RANBP2: variants seen among roughly 807,000 people sequenced by gnomAD.
RANBP2 encodes the protein E3 SUMO-protein ligase RanBP2.
In RANBP2, 57 loss-of-function variants were observed where a neutral mutation model predicts 303.6. The ratio of observed to expected loss-of-function variants is 0.19; its 90% CI spans 0.15 to 0.23. The LOEUF (loss-of-function observed/expected upper bound fraction) is 0.23. Among genes scored for constraint, RANBP2 ranks in the 10% least tolerant of loss-of-function variants. RANBP2 has a pLI of 1.00. For missense variants in RANBP2, 3,138 were observed against 3,780.8 expected (o/e 0.83, Z 4.46); for synonymous variants, 1,167 against 1,301.5 (o/e 0.90, Z 2.23).
the RANBP2 span, among the ~76,000 whole-genome samples, chr2:109,155,629 G>T: frequency 2.6e-5 from 4 of 152,210 alleles, no homozygotes; most frequent in South Asian, 8.3e-4. Context: ...CACAATTTTG[G>T]CTATTTGTGA....
chr2:109,079,619 C>T, the RANBP2 span, among the ~76,000 whole-genome samples: 6 of 152,354 alleles, frequency 3.9e-5, no homozygotes, highest in East Asian at 7.7e-4. Flanking sequence ...TGGCCCTGTC[C>T]GGTCCCAACC....
chr2:109,511,768 C>T, the RANBP2 span, among the ~76,000 whole-genome samples: 79 of 152,222 alleles, frequency 5.2e-4, no homozygotes, highest in African/African-American at 1.8e-3. Flanking sequence ...TGTCCACACC[C>T]TCCCTGCATT....
the RANBP2 span, chr2:109,615,465 A>G: frequency 6.2e-7 from 1 of 1,613,360 alleles, no homozygotes. Context: ...CAACTTCGCC[A>G]ACAAACACCA....
the RANBP2 span, among the ~76,000 whole-genome samples, chr2:109,079,197 G>A: frequency 1.3e-5 from 2 of 152,166 alleles, no homozygotes; most frequent in African/African-American, 4.8e-5. Flanking sequence ...CGAGGAGGAT[G>A]AGGACCTTTA....
chr2:109,403,252 C>T, the RANBP2 span, among the ~76,000 whole-genome samples: 1 of 152,328 alleles, frequency 6.6e-6, no homozygotes, highest in African/African-American at 2.4e-5. Context: ...CTCCCCGCAG[C>T]TGTTAGGGGT....
At chr2:109,693,390 CT>C in the RANBP2 span, among the ~76,000 whole-genome samples, 2 of 152,120 alleles carry the variant, frequency 1.3e-5, 1 homozygote, top group South Asian at 4.2e-4. Flanking sequence ...CCAGGCTGGC[CT>C]CAAGTGATCC....
the RANBP2 span, among the ~76,000 whole-genome samples, chr2:109,766,489 T>C: frequency 5.3e-5 from 8 of 150,588 alleles, no homozygotes; most frequent in African/African-American, 1.9e-4. Flanking sequence ...GGATAGGTTT[T>C]TAACCAAATG....
At chr2:108,850,210 C>G in the RANBP2 span, among the ~76,000 whole-genome samples, 2 of 152,184 alleles carry the variant, frequency 1.3e-5, no homozygotes, top group Non-Finnish European at 2.9e-5. Flanking sequence ...AGACTTAACT[C>G]TAGTAAGAAG....
chr2:109,412,262 A>G, the RANBP2 span, among the ~76,000 whole-genome samples: 1 of 152,162 alleles, frequency 6.6e-6, no homozygotes, highest in African/African-American at 2.4e-5. Flanking sequence ...GGCCAAACAC[A>G]TTGCCCCCCT....
At chr2:109,599,631 TC>T in the RANBP2 span, among the ~76,000 whole-genome samples, 2 of 152,024 alleles carry the variant, frequency 1.3e-5, no homozygotes, top group African/African-American at 2.4e-5. Context: ...CATTATACCA[TC>T]AAACTCCAAC....
chr2:108,966,779 G>C, the RANBP2 span, among the ~76,000 whole-genome samples: 1 of 152,226 alleles, frequency 6.6e-6, no homozygotes, highest in African/African-American at 2.4e-5. Context: ...CCCTGGAAGG[G>C]AGCACAGTGG....
At chr2:109,498,455 A>G in the RANBP2 span, among the ~76,000 whole-genome samples, 1 of 151,970 alleles carries the variant, frequency 6.6e-6, no homozygotes, top group Non-Finnish European at 1.5e-5. Context: ...CTGTCTGCAC[A>G]TTTTTCCTGA....
chr2:109,203,001 T>C, the RANBP2 span, among the ~76,000 whole-genome samples: 1 of 152,170 alleles, frequency 6.6e-6, no homozygotes, highest in Non-Finnish European at 1.5e-5. Flanking sequence ...AAGGTAACAC[T>C]TGGGCCTGAG....
At chr2:109,471,228 A>G in the RANBP2 span, among the ~76,000 whole-genome samples, 4 of 151,738 alleles carry the variant, frequency 2.6e-5, no homozygotes, top group Admixed American at 6.6e-5. Flanking sequence ...AAAAAAAAAA[A>G]AAAGAAATTA....
chr2:109,701,928 T>C, the RANBP2 span, among the ~76,000 whole-genome samples: 122,556 of 152,244 alleles, frequency 0.8, 55,595 homozygotes, highest in Non-Finnish European at 0.99. Context: ...GTGACTATAC[T>C]TGTGTGCTGT....
At chr2:109,665,654 GT>G in the RANBP2 span, 1 of 159,186 alleles carries the variant, frequency 6.3e-6, no homozygotes. Flanking sequence ...TCGCAGGCAG[GT>G]TTAACAGCCA....
the RANBP2 span, among the ~76,000 whole-genome samples, chr2:109,216,437 C>T: frequency 5.3e-5 from 8 of 152,316 alleles, 2 homozygotes; most frequent in African/African-American, 1.9e-4. Flanking sequence ...AACCTGAGTC[C>T]AGGGGAGTTG....
chr2:109,023,227 C>G, the RANBP2 span, among the ~76,000 whole-genome samples: 1 of 152,178 alleles, frequency 6.6e-6, no homozygotes, highest in African/African-American at 2.4e-5. Flanking sequence ...GCTGCGTTAA[C>G]AGAGGTGCCC....
At chr2:109,056,638 T>C in the RANBP2 span, among the ~76,000 whole-genome samples, 1 of 152,218 alleles carries the variant, frequency 6.6e-6, no homozygotes, top group Admixed American at 6.5e-5. Flanking sequence ...TTTTCGAGGA[T>C]TTAGGATTAA....
Sources: allele counts gnomAD v4.1 joint callset (sites outside exome capture counted in the v4.1 genomes callset), GRCh38; gene constraint gnomAD v4.1.1; transcripts MANE v1.5; gene names NCBI Gene and HGNC (gene_info 2026-07-23, HGNC 2026-07-21).